The following ANKS1B variants were observed in gnomAD, a reference collection of about 807,000 sequenced individuals.
ANKS1B encodes the protein ankyrin repeat and sterile alpha motif domain-containing protein 1B.
ANKS1B carries 36 observed loss-of-function variants against 148.3 expected under a neutral mutation model. The ratio of observed to expected loss-of-function variants is 0.24; its 90% CI spans 0.19 to 0.32. The LOEUF is 0.32. Among genes scored for constraint, ANKS1B ranks in the 10% least tolerant of loss-of-function variants. The probability of loss-of-function intolerance (pLI) is 1.00; values close to 1 mark genes in which losing one functional copy is unlikely to be tolerated. For missense variants in ANKS1B, 1,157 were observed against 1,542.6 expected (o/e 0.75, Z 4.19); for synonymous variants, 542 against 560.8 (o/e 0.97, Z 0.47).
In ANKS1B at chr12:99,246,695, T is replaced by C; in HGVS notation, c.1926A>G (p.Ala642=). Residue 642 remains alanine, a synonymous_variant, in exon 13 of 27, where the codon GCA becomes GCG. Transcript: ENST00000683438. The part of the protein sequence containing the change: ...CEKGQDEVSL[A]NSPLPFKQSP... Reference sequence around the variant, plus strand: ...ACTGCTTGAAAGGCAAAGGACTGTTTGCCAAACTGACTTCATCTTGTCCTT... The same window carrying C: ...ACTGCTTGAAAGGCAAAGGACTGTTCGCCAAACTGACTTCATCTTGTCCTT... 1 of 1,613,988 alleles carries C rather than the reference T, an allele frequency of 6.2e-7. No individual in the cohort carries two copies. Among genetic ancestry groups the C allele is most frequent in the Non-Finnish European group, 8.5e-7 (1 of 1,179,882 alleles).
chr12:99,739,858 C>G (rs1343893707), intron 8 of ANKS1B, among the ~76,000 whole-genome samples: 2 of 152,198 alleles, frequency 1.3e-5, no homozygotes, highest in Non-Finnish European at 2.9e-5. Flanking sequence ...GCCTAAGCCC[C>G]TTGTTTTACT....
intron 15 of ANKS1B, chr12:99,093,697 A>G (rs1418266016): frequency 1.3e-5 from 2 of 152,222 alleles, no homozygotes; most frequent in African/African-American, 2.4e-5. Context: ...TAGCCCTCTG[A>G]GAAGTGTAGA....
intron 8 of ANKS1B, among the ~76,000 whole-genome samples, chr12:99,665,484 ACTT>A (rs936322776): frequency 3.4e-5 from 5 of 148,330 alleles, no homozygotes; most frequent in African/African-American, 5.0e-5. Context: ...AGGTTGTTCG[ACTT>A]CTTTTTTTTT....
At chr12:99,953,246 G>T (rs186900926) in intron 1 of ANKS1B, among the ~76,000 whole-genome samples, 2 of 152,182 alleles carry the variant, frequency 1.3e-5, no homozygotes, top group East Asian at 1.9e-4. Context: ...AGAGTAAGTG[G>T]GTTAGTACTA....
At chr12:98,802,594 CTTTTTTTTTTTTTTTTTTTTTTTT>C (rs397850118) in intron 20 of ANKS1B, among the ~76,000 whole-genome samples, 3 of 34,758 alleles carry the variant, frequency 8.6e-5, no homozygotes, top group African/African-American at 3.2e-4. Context: ...AATGCACAGG[CTTTTTTTTTTTTTTTTTTTTTTTT>C]TTTTTTTTTT....
At chr12:99,213,278 AGC>A (rs1392174177) in intron 14 of ANKS1B, among the ~76,000 whole-genome samples, 1 of 152,242 alleles carries the variant, frequency 6.6e-6, no homozygotes, top group Non-Finnish European at 1.5e-5. Context: ...GAAGCCTGGC[AGC>A]GGGTCATTTC....
At chr12:99,167,211 C>G (rs1399357475) in intron 14 of ANKS1B, among the ~76,000 whole-genome samples, 1 of 151,640 alleles carries the variant, frequency 6.6e-6, no homozygotes, top group Non-Finnish European at 1.5e-5. Flanking sequence ...CAGTAGGCAC[C>G]AGAAGTACAA....
chr12:99,622,802 A>C (rs1361705424), intron 9 of ANKS1B, among the ~76,000 whole-genome samples: 4 of 152,020 alleles, frequency 2.6e-5, no homozygotes, highest in Non-Finnish European at 5.9e-5. Context: ...TTCACACCTA[A>C]ATTCTACCAG....
chr12:99,941,463 T>G (rs2094917442), intron 1 of ANKS1B, among the ~76,000 whole-genome samples: 1 of 98,012 alleles, frequency 1.0e-5, no homozygotes, highest in African/African-American at 4.3e-5. Context: ...GAATAGAAAG[T>G]TAAAAAAAAA....
At chr12:99,254,496 C>T (rs770074238) in intron 12 of ANKS1B, among the ~76,000 whole-genome samples, 20 of 152,156 alleles carry the variant, frequency 1.3e-4, no homozygotes, top group Non-Finnish European at 1.8e-4. Context: ...CACGCTATTA[C>T]TTCTTGACAG....
intron 12 of ANKS1B, among the ~76,000 whole-genome samples, chr12:99,255,142 G>C (rs980960545): frequency 1.3e-5 from 2 of 152,012 alleles, no homozygotes; most frequent in African/African-American, 4.8e-5. Context: ...ATTCTTTGTG[G>C]AAAGATTTCA....
chr12:99,420,292 A>G (rs188920601), intron 11 of ANKS1B, among the ~76,000 whole-genome samples: 113 of 152,350 alleles, frequency 7.4e-4, no homozygotes, highest in Admixed American at 2.6e-3. Context: ...TATTTTCCCC[A>G]GAGTATCTGT....
chr12:98,905,676 G>A (rs1344615556), intron 17 of ANKS1B, among the ~76,000 whole-genome samples: 1 of 152,034 alleles, frequency 6.6e-6, no homozygotes, highest in Non-Finnish European at 1.5e-5. Context: ...GGAGGGTGAG[G>A]CAAGAGGATC....
Position 99,504,455 on chromosome 12 carries a change from A to G in ANKS1B, c.1438+21T>C, listed in dbSNP as rs201726780. 2.2e-4 allele frequency: 352 copies of G among 1,606,552 alleles called. 4 individuals carry two copies. In the South Asian group the frequency reaches 3.7e-3, roughly 17 times the overall value. On this transcript the variant is annotated intron_variant, in intron 10 of 26. Coordinates refer to ENST00000683438, the MANE Select transcript of ANKS1B (RefSeq NM_001352186.2). ...TAAGCAAGTAAATTGAATCAGGCCA[A>G]TTGTGAGTAAGAGATATTACCAGTT...
At position 98,829,092 on chromosome 12, in the gene ANKS1B, A is replaced by T; in HGVS notation, c.3066+82T>A. 2 of 1,462,454 alleles carry T rather than the reference A, an allele frequency of 1.4e-6. No homozygotes were observed. The highest frequency in any genetic ancestry group is 1.9e-6 in the Non-Finnish European group (2 of 1,051,678). The allele number at this position is 1,462,454 out of a possible 1,614,324, so 90.6% of individuals were successfully genotyped here. Reference sequence around the variant, plus strand: ...TTCTAGTTAGGCACGGACAATAAGCATCCATAGGAAGCTACTGTTCACTAT... The same window carrying T: ...TTCTAGTTAGGCACGGACAATAAGCTTCCATAGGAAGCTACTGTTCACTAT... On this transcript the variant is annotated intron_variant, in intron 19 of 26. Coordinates refer to ENST00000683438, the MANE Select transcript of ANKS1B (RefSeq NM_001352186.2). The surrounding 1 kb of genome is among the most constrained non-coding windows in gnomAD (Gnocchi z 5.2).
chr12:99,732,234 G>A (rs190998801), intron 8 of ANKS1B, among the ~76,000 whole-genome samples: 9 of 152,272 alleles, frequency 5.9e-5, no homozygotes, highest in African/African-American at 2.2e-4. Context: ...ACTTTGGAAA[G>A]CAGTTTGGCA....
chr12:99,520,150 T>C (rs2096861238), intron 9 of ANKS1B, among the ~76,000 whole-genome samples: 1 of 152,210 alleles, frequency 6.6e-6, no homozygotes, highest in Non-Finnish European at 1.5e-5. Context: ...TTCTGTGTGC[T>C]TATTATTGCC....
chr12:98,751,505 G>A lies in ANKS1B; in HGVS notation c.3597C>T (p.Ile1199=), dbSNP rs2098088748. ...CGAATGCCTGTCCCAGGGTTAGGAT[G>A]ATTTCATAGGCTAAATTCTGCAAGA... ...TAFDVNLAYE[I]ILTLGQAFEV... The change falls in exon 26 of 27, where the codon ATC becomes ATT. Residue 1199 remains isoleucine (I), a synonymous_variant. Transcript: ENST00000683438. The surrounding 1 kb of genome is among the most constrained non-coding windows in gnomAD (Gnocchi z 4.3). 6.2e-7 allele frequency: 1 copy of A among 1,613,674 alleles called. No individual in the cohort carries two copies. Among genetic ancestry groups the A allele is most frequent in the South Asian group, 1.1e-5 (1 of 90,984 alleles).
intron 15 of ANKS1B, among the ~76,000 whole-genome samples, chr12:99,126,800 T>C (rs1365875540): frequency 1.3e-5 from 2 of 152,212 alleles, no homozygotes; most frequent in African/African-American, 4.8e-5. Flanking sequence ...ACAAAGAAGT[T>C]ACTCTACATG....
Sources: gnomAD v4.1 joint callset for allele counts (sites outside exome capture counted in the v4.1 genomes callset) on GRCh38, gnomAD v4.1.1 for gene constraint, Gnocchi (gnomAD v3.1) non-coding constraint, MANE v1.5 for transcripts, NCBI Gene and HGNC (gene_info 2026-07-23, HGNC 2026-07-21) for gene names.